NRXN1: variants seen among roughly 807,000 people sequenced by gnomAD.
NRXN1 encodes neurexin-1.
Under a neutral mutation model 150.9 loss-of-function variants are expected in NRXN1, and 39 were observed. The ratio of observed to expected loss-of-function variants is 0.26; its 90% CI spans 0.20 to 0.34. NRXN1 has a LOEUF of 0.34. Ranked by LOEUF, NRXN1 falls within the 10% of genes least tolerant of loss-of-function variation. The pLI is 1.00. For missense variants in NRXN1, 1,815 were observed against 1,949.9 expected, an observed-to-expected ratio of 0.93 and a Z score of 1.30; for synonymous variants, 924 against 757.0, an observed-to-expected ratio of 1.22 and a Z score of -3.62.
chr2:50,086,386 G>A (rs2152690850), intron 19 of NRXN1, among the ~76,000 whole-genome samples: 1 of 152,234 alleles, frequency 6.6e-6, no homozygotes, highest in African/African-American at 2.4e-5. Flanking sequence ...TGAAAACAGA[G>A]TTAAGGTTTA....
chr2:50,570,908 C>CT (rs1213645863), intron 8 of NRXN1, among the ~76,000 whole-genome samples: 7 of 152,236 alleles, frequency 4.6e-5, no homozygotes, highest in Admixed American at 4.6e-4. Context: ...ACCCTATCAC[C>CT]TTACCCTATG....
chr2:50,517,710 A>G (rs755676788), intron 12 of NRXN1, among the ~76,000 whole-genome samples: 43 of 152,252 alleles, frequency 2.8e-4, no homozygotes, highest in Middle Eastern at 3.4e-3. Flanking sequence ...GTTAGCAGTG[A>G]ATAACTTCCG....
chr2:50,337,800 T>A (rs2077289275), intron 17 of NRXN1, among the ~76,000 whole-genome samples: 2 of 152,204 alleles, frequency 1.3e-5, no homozygotes, highest in African/African-American at 4.8e-5. Flanking sequence ...TAATTAATTC[T>A]ATTAAAAAGA....
intron 17 of NRXN1, among the ~76,000 whole-genome samples, chr2:50,316,093 G>A (rs1006846700): frequency 6.6e-6 from 1 of 152,002 alleles, no homozygotes; most frequent in Non-Finnish European, 1.5e-5. Flanking sequence ...CTTCTTCTAG[G>A]GTATCTTCCC....
At chr2:50,968,613 C>T (rs963362601) in intron 2 of NRXN1, among the ~76,000 whole-genome samples, 2 of 152,090 alleles carry the variant, frequency 1.3e-5, no homozygotes, top group African/African-American at 4.8e-5. Context: ...TATCTCGTTA[C>T]TAGATCATTC....
At chr2:50,233,906 T>C (rs79902648) in intron 18 of NRXN1, among the ~76,000 whole-genome samples, 328 of 152,192 alleles carry the variant, frequency 2.2e-3, no homozygotes, top group African/African-American at 7.6e-3. Flanking sequence ...AAAACAGCCT[T>C]TCAATATTCT....
At chr2:50,730,748 C>G (rs1037122318) in intron 5 of NRXN1, among the ~76,000 whole-genome samples, 2 of 138,726 alleles carry the variant, frequency 1.4e-5, no homozygotes, top group African/African-American at 5.4e-5. Flanking sequence ...TCTGGGCTAA[C>G]TGCAAGCTCC....
At chr2:50,791,998 A>G (rs1706115907) in intron 5 of NRXN1, among the ~76,000 whole-genome samples, 1 of 152,158 alleles carries the variant, frequency 6.6e-6, no homozygotes, top group Non-Finnish European at 1.5e-5. Context: ...CATTATGAAT[A>G]GTTAAGCAGG....
chr2:50,196,685 CATTT>C (rs1417619791), intron 18 of NRXN1, among the ~76,000 whole-genome samples: 1 of 151,982 alleles, frequency 6.6e-6, no homozygotes, highest in Non-Finnish European at 1.5e-5. Context: ...TTAATATTGC[CATTT>C]ATTATCCCAT....
intron 18 of NRXN1, among the ~76,000 whole-genome samples, chr2:50,182,383 G>A (rs753702153): frequency 5.3e-5 from 8 of 152,042 alleles, no homozygotes; most frequent in Admixed American, 2.6e-4. Context: ...GTGTCTGCGG[G>A]TGTTGGTAAA....
chr2:50,793,077 C>T (rs756862102), intron 5 of NRXN1, among the ~76,000 whole-genome samples: 1 of 151,962 alleles, frequency 6.6e-6, no homozygotes, highest in Non-Finnish European at 1.5e-5. Context: ...TTTCTTTCCA[C>T]CGAGTGTAAG....
intron 5 of NRXN1, among the ~76,000 whole-genome samples, chr2:50,876,284 T>G (rs185197958): frequency 2.6e-5 from 4 of 151,930 alleles, no homozygotes; most frequent in Non-Finnish European, 5.9e-5. Context: ...TTTGGTTTCT[T>G]AGAACATTTC....
At chr2:50,752,925 G>T (rs1700765334) in intron 5 of NRXN1, among the ~76,000 whole-genome samples, 1 of 151,910 alleles carries the variant, frequency 6.6e-6, no homozygotes, top group South Asian at 2.1e-4. Context: ...ATTAAGCAAT[G>T]TAATAGTTGA....
intron 21 of NRXN1, among the ~76,000 whole-genome samples, chr2:49,995,286 C>A (rs1333627033): frequency 1.3e-5 from 2 of 151,120 alleles, no homozygotes; most frequent in African/African-American, 4.8e-5. Context: ...TATAAAAAAC[C>A]TTCTTTTACT....
chr2:50,912,213 A>G (rs949321196), intron 5 of NRXN1: 2 of 151,858 alleles, frequency 1.3e-5, no homozygotes, highest in African/African-American at 4.8e-5. Flanking sequence ...TGGGGGAAGG[A>G]GTGATCTCTT....
chr2:50,988,850 A>T (rs1698112397), intron 2 of NRXN1, among the ~76,000 whole-genome samples: 1 of 151,956 alleles, frequency 6.6e-6, no homozygotes, highest in Admixed American at 6.6e-5. Flanking sequence ...TCCTTTATGC[A>T]AAATAGGAAT....
At chr2:50,931,329 TATTTA>T (rs1215988829) in intron 2 of NRXN1, among the ~76,000 whole-genome samples, 1 of 152,138 alleles carries the variant, frequency 6.6e-6, no homozygotes, top group Non-Finnish European at 1.5e-5. Context: ...AAAACAAATC[TATTTA>T]ATTTATCTAA....
At chr2:50,991,829 T>C (rs913582389) in intron 2 of NRXN1, among the ~76,000 whole-genome samples, 2 of 152,060 alleles carry the variant, frequency 1.3e-5, no homozygotes, top group Admixed American at 6.6e-5. Context: ...AAGCTTTTTA[T>C]TGTTAACTCC....
chr2:50,506,666 CA>C, intron 12 of NRXN1, 49 bp from the exon 13 acceptor site: 1 of 1,589,382 alleles, frequency 6.3e-7, no homozygotes, highest in Non-Finnish European at 8.6e-7. Context: ...ATCAGTCAAG[CA>C]AATGAACCTC....
Sources: gnomAD v4.1 joint callset for allele counts (sites outside exome capture counted in the v4.1 genomes callset) on GRCh38, gnomAD v4.1.1 for gene constraint, MANE v1.5 for transcripts, NCBI Gene and HGNC (gene_info 2026-07-23, HGNC 2026-07-21) for gene names.